Variants in TENM2 observed in about 807,000 individuals in gnomAD.
TENM2 encodes teneurin transmembrane protein 2.
Under a neutral mutation model 245.2 loss-of-function variants are expected in TENM2, and 52 were observed. The observed-to-expected ratio is 0.21, with a 90% confidence interval of 0.17 to 0.27. The LOEUF (loss-of-function observed/expected upper bound fraction) is 0.27. Ranked by LOEUF, TENM2 falls within the 10% of genes least tolerant of loss-of-function variation. TENM2 has a pLI of 1.00. For missense variants in TENM2, 3,046 were observed against 3,666.8 expected, an observed-to-expected ratio of 0.83 and a Z score of 4.37; for synonymous variants, 1,363 against 1,438.9, an observed-to-expected ratio of 0.95 and a Z score of 1.19.
chr5:167,377,231 G>C (rs1321279359), intron 2 of TENM2, among the ~76,000 whole-genome samples: 2 of 152,040 alleles, frequency 1.3e-5, no homozygotes, highest in African/African-American at 2.4e-5. Context: ...CATATTATTT[G>C]AAACATCGTA....
At chr5:167,822,789 G>A (rs903352949) in intron 2 of TENM2, among the ~76,000 whole-genome samples, 2 of 152,112 alleles carry the variant, frequency 1.3e-5, no homozygotes, top group African/African-American at 4.8e-5. Flanking sequence ...ATTGTAGGGG[G>A]GCTATTAGCA....
At chr5:167,564,217 C>T (rs546627352) in intron 2 of TENM2, among the ~76,000 whole-genome samples, 25 of 152,320 alleles carry the variant, frequency 1.6e-4, no homozygotes, top group Non-Finnish European at 8.8e-5. Context: ...GCAGTTTGAT[C>T]AGGGCAAGCC....
intron 2 of TENM2, among the ~76,000 whole-genome samples, chr5:167,627,931 A>G (rs1778619704): frequency 6.6e-6 from 1 of 152,216 alleles, no homozygotes; most frequent in African/African-American, 2.4e-5. Context: ...ATAAACTGCT[A>G]AAAGGAAAGC....
At chr5:167,257,289 A>G in the TENM2 span, among the ~76,000 whole-genome samples, 1 of 152,260 alleles carries the variant, frequency 6.6e-6, no homozygotes, top group East Asian at 1.9e-4. Context: ...ATACATTTAT[A>G]TACTTATAAA....
chr5:168,172,874 A>G (rs746656733), intron 13 of TENM2, among the ~76,000 whole-genome samples: 14 of 152,100 alleles, frequency 9.2e-5, no homozygotes, highest in Non-Finnish European at 1.5e-4. Context: ...CTTTTCTTTG[A>G]CTTTCTATCT....
intron 2 of TENM2, among the ~76,000 whole-genome samples, chr5:167,658,541 C>G (rs948965380): frequency 2.0e-5 from 3 of 152,060 alleles, no homozygotes; most frequent in African/African-American, 4.8e-5. Flanking sequence ...TTAATCACCT[C>G]CTAAAGGCCC....
At chr5:167,909,825 C>T (rs1055530902) in intron 3 of TENM2, among the ~76,000 whole-genome samples, 3 of 151,072 alleles carry the variant, frequency 2.0e-5, no homozygotes, top group Non-Finnish European at 4.4e-5. Flanking sequence ...ATGGATAAAA[C>T]AGAGGATAGA....
intron 4 of TENM2, among the ~76,000 whole-genome samples, chr5:167,972,376 A>G (rs1342295113): frequency 2.6e-5 from 4 of 152,198 alleles, no homozygotes; most frequent in Non-Finnish European, 4.4e-5. Flanking sequence ...AAGCATTTTC[A>G]GGTAATTTTA....
At chr5:167,104,028 C>T in the TENM2 span, among the ~76,000 whole-genome samples, 1 of 152,144 alleles carries the variant, frequency 6.6e-6, no homozygotes, top group South Asian at 2.1e-4. Context: ...GTCAACTTAC[C>T]AAATACCCTG....
At chr5:167,928,913 AAAG>A (rs1367142661) in intron 3 of TENM2, among the ~76,000 whole-genome samples, 3,214 of 135,060 alleles carry the variant, frequency 0.024, 378 homozygotes, top group African/African-American at 0.083. Context: ...AAAAAAAAAA[AAAG>A]AAGAAGAAAG....
chr5:167,826,775 G>T (rs1055343842), intron 2 of TENM2, among the ~76,000 whole-genome samples: 2 of 152,148 alleles, frequency 1.3e-5, no homozygotes, highest in Admixed American at 1.3e-4. Flanking sequence ...TGGTAAAGGC[G>T]GATAGTCAAG....
chr5:168,244,526 T>A lies in TENM2; in HGVS notation c.5627T>A (p.Val1876Glu), dbSNP rs1306986039. 1.2e-6 allele frequency: 2 copies of A among 1,612,332 alleles called. No individual in the cohort carries two copies. Among genetic ancestry groups the A allele is most frequent in the African/African-American group, 2.7e-5 (2 of 74,912 alleles). Residue 1876 changes from valine (V) to glutamate (E), a missense_variant, in exon 26 of 29, where the codon GTG (valine) becomes GAG (glutamate). Around this residue, in one of 2 missense-constraint regions of TENM2, gnomAD observed 2,704 missense variants for 3,331.9 expected, o/e 0.81. Transcript: ENST00000518659. This position sits in a 1 kb window ranked among gnomAD's most constrained non-coding sequence, Gnocchi z 4.9. ...ACCCTGAGGATCATTTATGACCAGG[T>A]GGGCCGCCCCTTCCTCTGGCTGCCC...
chr5:167,110,454 C>A, the TENM2 span, among the ~76,000 whole-genome samples: 2 of 152,198 alleles, frequency 1.3e-5, no homozygotes, highest in South Asian at 4.2e-4. Context: ...AATGAAGAAC[C>A]AAAGTTTTAA....
chr5:167,665,007 A>T (rs1029302111), intron 2 of TENM2, among the ~76,000 whole-genome samples: 1 of 152,246 alleles, frequency 6.6e-6, no homozygotes, highest in Admixed American at 6.5e-5. Flanking sequence ...TTCAAGTATC[A>T]TAAATCTTGT....
At chr5:167,900,776 C>T (rs1015460308) in intron 3 of TENM2, among the ~76,000 whole-genome samples, 4 of 148,014 alleles carry the variant, frequency 2.7e-5, no homozygotes, top group African/African-American at 7.5e-5. Context: ...GTCAGCCTGG[C>T]GTGTCCTGTC....
At chr5:167,746,675 CAGAGAGAGAGAGAGAGAGAG>C (rs57973052) in intron 2 of TENM2, among the ~76,000 whole-genome samples, 3,065 of 117,188 alleles carry the variant, frequency 0.026, 112 homozygotes, top group African/African-American at 0.089. Flanking sequence ...AAATTACCAA[CAGAGAGAGAGAGAGAGAGAG>C]AGAGAGAGAG....
chr5:167,353,697 C>CG (rs1218101729), intron 1 of TENM2, among the ~76,000 whole-genome samples: 2 of 151,302 alleles, frequency 1.3e-5, no homozygotes, highest in East Asian at 2.0e-4. Context: ...TTAGTAGAGA[C>CG]GGGGTTTCAC....
intron 2 of TENM2, among the ~76,000 whole-genome samples, chr5:167,457,419 A>T (rs934952829): frequency 2.0e-5 from 3 of 151,148 alleles, no homozygotes; most frequent in Non-Finnish European, 2.9e-5. Flanking sequence ...CGCAACCTCC[A>T]CCTCCCGGGT....
chr5:167,120,065 A>C, the TENM2 span, among the ~76,000 whole-genome samples: 1 of 152,130 alleles, frequency 6.6e-6, no homozygotes, highest in African/African-American at 2.4e-5. Context: ...ACAGAGAGAA[A>C]GAGAAGTGAG....
Sources: gnomAD v4.1 joint callset for allele counts (sites outside exome capture counted in the v4.1 genomes callset) on GRCh38, gnomAD v4.1.1 for gene constraint, gnomAD v4.1.1 regional missense constraint, Gnocchi (gnomAD v3.1) non-coding constraint, MANE v1.5 for transcripts, NCBI Gene and HGNC (gene_info 2026-07-23, HGNC 2026-07-21) for gene names.